Variants in PIEZO2 observed in about 807,000 individuals in gnomAD.
PIEZO2 encodes the protein piezo type mechanosensitive ion channel component 2.
Under a neutral mutation model 337.3 loss-of-function variants are expected in PIEZO2, and 172 were observed. That is an observed-to-expected ratio of 0.51 (90% CI 0.45 to 0.58). The LOEUF (loss-of-function observed/expected upper bound fraction) is 0.58. PIEZO2 is among the 20% of genes least tolerant of loss of function. The pLI, the probability that PIEZO2 is intolerant of heterozygous loss-of-function variation, is 0.00. For missense variants in PIEZO2, 3,028 were observed against 3,391.3 expected, an observed-to-expected ratio of 0.89 and a Z score of 2.66; for synonymous variants, 1,251 against 1,228.5, an observed-to-expected ratio of 1.02 and a Z score of -0.38.
rs1452193873 is a variant in PIEZO2, at chr18:11,127,445, A to G, written c.64+21080T>C. Among the ~76,000 whole-genome samples the G allele has an allele frequency of 2.6e-5, 4 of 152,090 alleles. No homozygotes were observed. The highest frequency in any genetic ancestry group is 9.7e-5 in the African/African-American group (4 of 41,412). ...GCTGGGGAAGGCAGACCCACCCTTA[A>G]TCTGGTGGGCACAATCTAATCAGCG... On this transcript the variant is annotated intron_variant, in intron 1 of 55. Transcript: ENST00000674853. The surrounding 1 kb of genome is among the most constrained non-coding windows in gnomAD (Gnocchi z 4.5).
chr18:11,014,652 AC>A (rs2036034283), intron 2 of PIEZO2, among the ~76,000 whole-genome samples: 1 of 115,708 alleles, frequency 8.6e-6, no homozygotes, highest in East Asian at 3.1e-4. Flanking sequence ...GCGATCCATG[AC>A]CCCCTCATTC....
rs973319063 is a variant in PIEZO2, at chr18:11,143,699, T to C, written c.64+4826A>G. Among the ~76,000 whole-genome samples the C allele has an allele frequency of 6.6e-6, 1 of 151,548 alleles. No individual in the cohort carries two copies. Among genetic ancestry groups the C allele is most frequent in the Non-Finnish European group, 1.5e-5 (1 of 67,930 alleles). Reference sequence around the variant, plus strand: ...CTCTCTCTCTCTCACATAATTTGGCTCTAGGAAGGCACTAAGTTGCCTTCC... The same window carrying C: ...CTCTCTCTCTCTCACATAATTTGGCCCTAGGAAGGCACTAAGTTGCCTTCC... On this transcript the variant is annotated intron_variant, in intron 1 of 55. Transcript: ENST00000674853. The surrounding 1 kb of genome is among the most constrained non-coding windows in gnomAD (Gnocchi z 4.9).
chr18:10,899,954 G>A lies in PIEZO2; in HGVS notation c.329+11232C>T, dbSNP rs1369855483. On this transcript the variant is annotated intron_variant, in intron 4 of 55. Coordinates refer to ENST00000674853, the MANE Select transcript of PIEZO2 (RefSeq NM_001378183.1). This position sits in a 1 kb window ranked among gnomAD's most constrained non-coding sequence, Gnocchi z 4.6. ...TAATGATCCAATTTAGGAAGATGGA[G>A]ATTACAAATCAGAGAATATTTTCTT... 6.6e-6 allele frequency among the ~76,000 whole-genome samples: 1 copy of A among 152,104 alleles called. No individual in the cohort carries two copies. The highest frequency in any genetic ancestry group is 1.5e-5 in the Non-Finnish European group (1 of 68,022).
In PIEZO2 at chr18:11,146,112, AGGT is replaced by A. The variant is rs1275267090; in HGVS notation, c.64+2410_64+2412del. Reference sequence around the variant, plus strand: ...CAGTCATGCACACACTCGCACACCCAGGTTAGTCTCCCTGAACCCAGAGAGGTG... The same window carrying A: ...CAGTCATGCACACACTCGCACACCCATAGTCTCCCTGAACCCAGAGAGGTG... On this transcript the variant is annotated intron_variant, in intron 1 of 55. Coordinates refer to ENST00000674853, the MANE Select transcript of PIEZO2 (RefSeq NM_001378183.1). The surrounding 1 kb of genome is among the most constrained non-coding windows in gnomAD (Gnocchi z 6.1). Among the ~76,000 whole-genome samples, 2 of 152,166 alleles carry A rather than the reference AGGT, an allele frequency of 1.3e-5. No homozygotes were observed. Among genetic ancestry groups the A allele is most frequent in the African/African-American group, 4.8e-5 (2 of 41,454 alleles).
rs576928553 is a variant in PIEZO2, at chr18:10,995,386, T to G, written c.161-15726A>C. On this transcript the variant is annotated intron_variant, in intron 2 of 55. Transcript: ENST00000674853. ...TCTGAATGAGTTCCTTTGTCGGATGTGTAGATTGTGAAGATTTTCTCCTAC... is the reference window on the plus strand; with the variant it reads ...TCTGAATGAGTTCCTTTGTCGGATGGGTAGATTGTGAAGATTTTCTCCTAC... Among the ~76,000 whole-genome samples, 4 of 152,292 alleles carry G rather than the reference T, an allele frequency of 2.6e-5. No homozygotes were observed. In the East Asian group the frequency reaches 7.7e-4, roughly 29 times the overall value.
chr18:10,935,301 C>T (rs2032328458), intron 3 of PIEZO2, among the ~76,000 whole-genome samples: 1 of 152,144 alleles, frequency 6.6e-6, no homozygotes, highest in Non-Finnish European at 1.5e-5. Context: ...TGAATTGTTT[C>T]ACAGTAATGA....
intron 3 of PIEZO2, among the ~76,000 whole-genome samples, chr18:10,972,303 G>A (rs2034275364): frequency 6.6e-6 from 1 of 151,804 alleles, no homozygotes; most frequent in Non-Finnish European, 1.5e-5. Context: ...GTTCTACAAT[G>A]TAGGAAAGGT....
Position 11,127,746 on chromosome 18 carries a change from T to C in PIEZO2, c.64+20779A>G, listed in dbSNP as rs1410528520. ...ACACACATATATATGTATGTGTATA[T>C]ATATGACATATATAGGTATATATGA... is the stretch of plus-strand genomic sequence containing the variant. On this transcript the variant is annotated intron_variant, in intron 1 of 55. Transcript: ENST00000674853. The surrounding 1 kb of genome is among the most constrained non-coding windows in gnomAD (Gnocchi z 4.5). Among the ~76,000 whole-genome samples the C allele has an allele frequency of 6.6e-6, 1 of 151,332 alleles. No homozygotes were observed. The highest frequency in any genetic ancestry group is 1.5e-5 in the Non-Finnish European group (1 of 67,912).
In PIEZO2 at chr18:10,855,714, TA is replaced by T. The variant is rs1346649319; in HGVS notation, c.704-149del. 3.2e-5 allele frequency: 21 copies of T among 663,556 alleles called. No individual in the cohort carries two copies. In the Middle Eastern group the frequency reaches 1.2e-3, roughly 39 times the overall value. The allele number at this position is 663,556 out of a possible 1,614,324, so 41.1% of individuals were successfully genotyped here. ...TAATTTTTAAAAATCATGTTTGATTTATATAATAAAAATTAATGCTAGATTT... is the reference window on the plus strand; with the variant it reads ...TAATTTTTAAAAATCATGTTTGATTTTATAATAAAAATTAATGCTAGATTT... On this transcript the variant is annotated intron_variant, in intron 6 of 55. Coordinates refer to ENST00000674853, the MANE Select transcript of PIEZO2 (RefSeq NM_001378183.1). This position sits in a 1 kb window ranked among gnomAD's most constrained non-coding sequence, Gnocchi z 4.9.
intron 23 of PIEZO2, 74 bp downstream of exon 23, chr18:10,762,426 C>G: frequency 6.8e-7 from 1 of 1,476,722 alleles, no homozygotes; most frequent in Non-Finnish European, 9.0e-7. Context: ...TGATGTTAAG[C>G]GTCTCATGGA....
intron 3 of PIEZO2, among the ~76,000 whole-genome samples, chr18:10,917,542 T>C (rs2031074871): frequency 6.6e-6 from 1 of 152,210 alleles, no homozygotes; most frequent in African/African-American, 2.4e-5. Context: ...CAGAAAAAAG[T>C]AACTTCGTTT....
At chr18:10,897,080 C>G (rs1261373988) in intron 4 of PIEZO2, among the ~76,000 whole-genome samples, 1 of 152,194 alleles carries the variant, frequency 6.6e-6, no homozygotes, top group African/African-American at 2.4e-5. Context: ...ACTCTGATAA[C>G]CACACTGCTA....
intron 2 of PIEZO2, among the ~76,000 whole-genome samples, chr18:11,020,005 G>A (rs557527301): frequency 6.6e-4 from 101 of 152,282 alleles, no homozygotes; most frequent in Middle Eastern, 3.4e-3. Flanking sequence ...TCTTGGGGAT[G>A]ATTTTATCTA....
rs888184799 is a variant in PIEZO2, at chr18:11,148,427, C to A, written c.64+98G>T. ...GACGCCGCTGGCCTCCCGAATCGAA[C>A]CCCAGAGCACCAGAGCCCTTCACTT... On this transcript the variant is annotated intron_variant, in intron 1 of 55. Transcript: ENST00000674853. The surrounding 1 kb of genome is among the most constrained non-coding windows in gnomAD (Gnocchi z 5.2). The A allele has an allele frequency of 1.9e-5, 26 of 1,373,410 alleles. No individual in the cohort carries two copies. The highest frequency in any genetic ancestry group is 1.9e-5 in the Non-Finnish European group (19 of 1,003,662). The allele number at this position is 1,373,410 out of a possible 1,614,324, so 85.1% of individuals were successfully genotyped here.
At chr18:10,849,926 A>T (rs11080463) in intron 7 of PIEZO2, among the ~76,000 whole-genome samples, 49,186 of 152,066 alleles carry the variant, frequency 0.32, 8,614 homozygotes, top group African/African-American at 0.48. Flanking sequence ...TTATGTGGAT[A>T]CACTTGAAGC....
At chr18:11,068,886 T>C (rs2038244477) in intron 1 of PIEZO2, among the ~76,000 whole-genome samples, 1 of 152,174 alleles carries the variant, frequency 6.6e-6, no homozygotes, top group Non-Finnish European at 1.5e-5. Context: ...GAGATTTCTA[T>C]GAGCAATTAT....
intron 2 of PIEZO2, among the ~76,000 whole-genome samples, chr18:10,998,875 A>G (rs1299374441): frequency 6.6e-6 from 1 of 151,756 alleles, no homozygotes; most frequent in African/African-American, 2.4e-5. Context: ...AAAAAAAAAA[A>G]AAAAGAAAGA....
chr18:10,947,982 A>G (rs980018488), intron 3 of PIEZO2, among the ~76,000 whole-genome samples: 12 of 152,126 alleles, frequency 7.9e-5, no homozygotes, highest in Non-Finnish European at 1.5e-4. Flanking sequence ...TGAAATTTAA[A>G]AGCACACATT....
intron 4 of PIEZO2, among the ~76,000 whole-genome samples, chr18:10,896,632 C>T (rs2042910372): frequency 6.6e-6 from 1 of 152,172 alleles, no homozygotes; most frequent in Admixed American, 6.5e-5. Context: ...GTATGTGAGG[C>T]CTCCCTGACT....
Sources: allele counts gnomAD v4.1 joint callset (sites outside exome capture counted in the v4.1 genomes callset), GRCh38; gene constraint gnomAD v4.1.1; non-coding constraint Gnocchi (gnomAD v3.1); transcripts MANE v1.5; gene names NCBI Gene and HGNC (gene_info 2026-07-23, HGNC 2026-07-21).